NCAM2: variants seen among roughly 807,000 people sequenced by gnomAD.
NCAM2 encodes neural cell adhesion molecule 2, also known as N-CAM-2.
Under a neutral mutation model 98.1 loss-of-function variants are expected in NCAM2, and 30 were observed. The ratio of observed to expected loss-of-function variants is 0.31; its 90% confidence interval spans 0.23 to 0.41. The LOEUF (loss-of-function observed/expected upper bound fraction) is 0.41, where lower values mean the gene tolerates loss of function less well. Ranked by LOEUF, NCAM2 falls within the 10% of genes least tolerant of loss-of-function variation. The pLI is 1.00. For missense variants in NCAM2, 867 were observed against 1,005.8 expected, an observed-to-expected ratio of 0.86 and a Z score of 1.87; for synonymous variants, 368 against 342.4, an observed-to-expected ratio of 1.07 and a Z score of -0.83.
intron 1 of NCAM2, among the ~76,000 whole-genome samples, chr21:21,132,443 A>G (rs911986642): frequency 2.0e-5 from 3 of 151,654 alleles, no homozygotes; most frequent in Admixed American, 6.6e-5. Context: ...AGGGATTATA[A>G]AGGGAATACT....
intron 15 of NCAM2, among the ~76,000 whole-genome samples, chr21:21,486,484 C>T (rs549155994): frequency 1.2e-4 from 18 of 151,936 alleles, no homozygotes; most frequent in Admixed American, 7.2e-4. Context: ...TTAAATTTCT[C>T]GATATTTGAG....
intron 6 of NCAM2, among the ~76,000 whole-genome samples, chr21:21,334,407 A>G (rs2074799613): frequency 6.6e-6 from 1 of 152,210 alleles, no homozygotes; most frequent in Non-Finnish European, 1.5e-5. Context: ...TGGAAAGTAG[A>G]ACCAGAATTC....
chr21:21,428,114 G>C, intron 11 of NCAM2, among the ~76,000 whole-genome samples: 1 of 152,180 alleles, frequency 6.6e-6, no homozygotes, highest in South Asian at 2.1e-4. Context: ...TGCCAGCACT[G>C]TTAGAGGTGA....
At chr21:21,210,441 G>A (rs1266216094) in intron 1 of NCAM2, 2 of 956,660 alleles carry the variant, frequency 2.1e-6, no homozygotes, top group African/African-American at 3.6e-5. Flanking sequence ...AGAGCACCAG[G>A]ACACTCCATG....
intron 1 of NCAM2, among the ~76,000 whole-genome samples, chr21:21,087,047 G>A (rs1268114566): frequency 6.6e-6 from 1 of 150,458 alleles, no homozygotes; most frequent in Admixed American, 6.6e-5. Flanking sequence ...AGAATGACAT[G>A]AAAGTTTATG....
intron 1 of NCAM2, among the ~76,000 whole-genome samples, chr21:21,154,390 G>A (rs2067545601): frequency 6.6e-6 from 1 of 151,804 alleles, no homozygotes; most frequent in Non-Finnish European, 1.5e-5. Context: ...GGATAGCATA[G>A]TATATGCTAT....
At chr21:21,257,977 G>A (rs943210956) in intron 1 of NCAM2, among the ~76,000 whole-genome samples, 3 of 152,178 alleles carry the variant, frequency 2.0e-5, no homozygotes, top group African/African-American at 7.2e-5. Context: ...GGAAATCTTA[G>A]ATAACTGCAT....
chr21:21,056,458 T>C (rs2065210960), intron 1 of NCAM2, among the ~76,000 whole-genome samples: 1 of 149,854 alleles, frequency 6.7e-6, no homozygotes, highest in Non-Finnish European at 1.5e-5. Flanking sequence ...AAATGGGTAA[T>C]TGACAGTTTA....
At chr21:21,208,672 G>T (rs1276827661) in intron 1 of NCAM2, among the ~76,000 whole-genome samples, 2 of 151,944 alleles carry the variant, frequency 1.3e-5, no homozygotes, top group African/African-American at 2.4e-5. Context: ...GGAGATTATT[G>T]TAGAGGAGAC....
At chr21:21,016,479 G>A (rs1395056444) in intron 1 of NCAM2, among the ~76,000 whole-genome samples, 1 of 152,118 alleles carries the variant, frequency 6.6e-6, no homozygotes, top group African/African-American at 2.4e-5. Flanking sequence ...GAGTTTAGAT[G>A]ACTTGCCTAA....
intron 1 of NCAM2, among the ~76,000 whole-genome samples, chr21:21,123,895 A>G (rs1465176824): frequency 1.7e-5 from 2 of 115,934 alleles, no homozygotes; most frequent in Non-Finnish European, 1.6e-5. Context: ...TCGCCAGGCT[A>G]CAGTGCAGTG....
chr21:21,254,301 T>A (rs2071581050), intron 1 of NCAM2, among the ~76,000 whole-genome samples: 1 of 152,216 alleles, frequency 6.6e-6, no homozygotes, highest in African/African-American at 2.4e-5. Context: ...GAAATTTGAC[T>A]GAAGTTACAC....
At chr21:21,509,600 G>A (rs1988232844) in intron 16 of NCAM2, among the ~76,000 whole-genome samples, 1 of 152,074 alleles carries the variant, frequency 6.6e-6, no homozygotes, top group Non-Finnish European at 1.5e-5. Context: ...ATCAAAAGTT[G>A]ATTACTTGTT....
intron 12 of NCAM2, among the ~76,000 whole-genome samples, chr21:21,462,158 C>G (rs1983063234): frequency 6.6e-6 from 1 of 151,938 alleles, no homozygotes; most frequent in African/African-American, 2.4e-5. Flanking sequence ...CAGTTTTACC[C>G]TTGCTAAGCT....
At chr21:21,022,605 C>T (rs1306580702) in intron 1 of NCAM2, among the ~76,000 whole-genome samples, 1 of 152,040 alleles carries the variant, frequency 6.6e-6, no homozygotes, top group East Asian at 1.9e-4. Context: ...TGTGACCACC[C>T]TCTGTATCTA....
At chr21:21,282,844 A>G (rs1443977483) in intron 2 of NCAM2, among the ~76,000 whole-genome samples, 1 of 151,868 alleles carries the variant, frequency 6.6e-6, no homozygotes, top group African/African-American at 2.4e-5. Context: ...GCCTGAAAGA[A>G]AACAATTATA....
At chr21:21,066,687 A>T (rs986638579) in intron 1 of NCAM2, among the ~76,000 whole-genome samples, 4 of 152,140 alleles carry the variant, frequency 2.6e-5, no homozygotes, top group Non-Finnish European at 4.4e-5. Context: ...TTTACTTTAA[A>T]ATCCAAAGGA....
chr21:21,228,470 T>C (rs2070480830), intron 1 of NCAM2, among the ~76,000 whole-genome samples: 1 of 151,422 alleles, frequency 6.6e-6, no homozygotes, highest in African/African-American at 2.4e-5. Context: ...TGTTAGAGAA[T>C]AGATAAACTA....
intron 1 of NCAM2, among the ~76,000 whole-genome samples, chr21:21,201,649 GTT>G (rs1157451776): frequency 1.3e-5 from 2 of 152,140 alleles, no homozygotes. Context: ...TTCAACCCCA[GTT>G]TTTGTTAATA....
Sources: gnomAD v4.1 joint callset for allele counts (sites outside exome capture counted in the v4.1 genomes callset) on GRCh38, gnomAD v4.1.1 for gene constraint, MANE v1.5 for transcripts, NCBI Gene and HGNC (gene_info 2026-07-23, HGNC 2026-07-21) for gene names.